The following PTPRT variants were observed in gnomAD, a reference collection of about 807,000 sequenced individuals.
The protein encoded by PTPRT is protein tyrosine phosphatase receptor type T.
In PTPRT, 56 loss-of-function variants were observed where a neutral mutation model predicts 176.8. The ratio of observed to expected loss-of-function variants is 0.32; its 90% CI spans 0.26 to 0.40. The LOEUF is 0.40. PTPRT is among the 10% of genes least tolerant of loss of function. The pLI, the probability that PTPRT is intolerant of heterozygous loss-of-function variation, is 1.00. For synonymous variants in PTPRT, 783 were observed against 739.0 expected (o/e 1.06, Z -0.96); for missense variants, 1,540 against 1,908.2 (o/e 0.81, Z 3.60).
intron 2 of PTPRT, among the ~76,000 whole-genome samples, chr20:42,866,305 A>G (rs2078745563): frequency 6.6e-6 from 1 of 152,206 alleles, no homozygotes; most frequent in Non-Finnish European, 1.5e-5. Context: ...TGTGTAATAT[A>G]CAGATGAGGA....
At chr20:42,691,726 C>T (rs564989105) in intron 6 of PTPRT, among the ~76,000 whole-genome samples, 9 of 152,190 alleles carry the variant, frequency 5.9e-5, no homozygotes, top group East Asian at 3.9e-4. Context: ...GAAAGGACTT[C>T]GAAACAACAC....
intron 13 of PTPRT, among the ~76,000 whole-genome samples, chr20:42,272,263 T>C (rs2056949203): frequency 6.6e-6 from 1 of 152,220 alleles, no homozygotes; most frequent in Admixed American, 6.5e-5. Flanking sequence ...CATATTCTTA[T>C]ATGTATGGTT....
At chr20:42,040,206 T>C in the PTPRT span, among the ~76,000 whole-genome samples, 9,086 of 152,240 alleles carry the variant, frequency 0.06, 408 homozygotes, top group Non-Finnish European at 0.093. Flanking sequence ...GCTTCATTCT[T>C]AAAGGGGATG....
intron 13 of PTPRT, among the ~76,000 whole-genome samples, chr20:42,273,317 G>C (rs1485251719): frequency 6.6e-6 from 1 of 152,148 alleles, no homozygotes; most frequent in Non-Finnish European, 1.5e-5. Context: ...CTGGGTTCAA[G>C]CGATTCTCCT....
At chr20:42,906,855 G>C (rs2079485224) in intron 1 of PTPRT, among the ~76,000 whole-genome samples, 1 of 151,584 alleles carries the variant, frequency 6.6e-6, no homozygotes, top group Non-Finnish European at 1.5e-5. Flanking sequence ...TTACACTCTT[G>C]TTCTAATCTG....
chr20:42,169,187 C>T (rs113771674), intron 16 of PTPRT, among the ~76,000 whole-genome samples: 7 of 152,302 alleles, frequency 4.6e-5, no homozygotes, highest in South Asian at 2.1e-4. Context: ...CCTCCTAAAC[C>T]TCCATCACTG....
intron 6 of PTPRT, among the ~76,000 whole-genome samples, chr20:42,712,566 C>A (rs932634026): frequency 1.3e-5 from 2 of 152,120 alleles, no homozygotes; most frequent in Admixed American, 6.5e-5. Flanking sequence ...ATCAGCGTGA[C>A]CTTGGTTCTA....
chr20:42,074,259 A>T lies in PTPRT; in HGVS notation c.*6620T>A, dbSNP rs1982563634. 1 of 228,566 alleles carries T rather than the reference A, an allele frequency of 4.4e-6. No individual in the cohort carries two copies. The highest frequency in any genetic ancestry group is 5.7e-5 in the Admixed American group (1 of 17,652). 14.2% of individuals were successfully genotyped at this position (228,566 alleles called of 1,614,324 possible). On this transcript the variant is annotated 3_prime_UTR_variant, in exon 31 of 31. Transcript: ENST00000373187. ...GACACTGAGAGTTTGTTGGACCATCATAGAGAAGGCCCACTGATTTGTATT... is the reference window on the plus strand; with the variant it reads ...GACACTGAGAGTTTGTTGGACCATCTTAGAGAAGGCCCACTGATTTGTATT...
At chr20:42,236,972 A>T (rs1156246059) in intron 14 of PTPRT, among the ~76,000 whole-genome samples, 3 of 151,620 alleles carry the variant, frequency 2.0e-5, no homozygotes, top group Non-Finnish European at 2.9e-5. Context: ...TCTGTCCATA[A>T]CTCTCTCTTA....
At chr20:42,539,672 AC>A (rs1319641794) in intron 7 of PTPRT, among the ~76,000 whole-genome samples, 13 of 151,812 alleles carry the variant, frequency 8.6e-5, no homozygotes, top group African/African-American at 2.7e-4. Flanking sequence ...AAAAAAAAAA[AC>A]AAACTATTAC....
At chr20:42,161,284 G>A in intron 17 of PTPRT, 68 bp downstream of exon 17, 1 of 1,576,934 alleles carries the variant, frequency 6.3e-7, no homozygotes, top group Middle Eastern at 1.7e-4. Context: ...ACTTTTTGTA[G>A]CAAGGCTTTA....
intron 9 of PTPRT, among the ~76,000 whole-genome samples, chr20:42,418,845 A>G (rs1474694329): frequency 2.6e-5 from 4 of 152,258 alleles, no homozygotes; most frequent in South Asian, 2.1e-4. Flanking sequence ...CCGGCGGAGG[A>G]GGAAGCTATT....
chr20:42,847,618 T>A (rs958140620), intron 2 of PTPRT, among the ~76,000 whole-genome samples: 1 of 152,168 alleles, frequency 6.6e-6, no homozygotes, highest in Non-Finnish European at 1.5e-5. Flanking sequence ...GGACACTAAA[T>A]GGGGCTTTAG....
At chr20:42,737,447 A>C (rs138424246) in intron 6 of PTPRT, among the ~76,000 whole-genome samples, 1 of 152,164 alleles carries the variant, frequency 6.6e-6, no homozygotes, top group African/African-American at 2.4e-5. Flanking sequence ...CCTGGTCAAC[A>C]TGGCTAAACC....
At chr20:42,679,929 G>A (rs1275997139) in intron 6 of PTPRT, among the ~76,000 whole-genome samples, 1 of 152,146 alleles carries the variant, frequency 6.6e-6, no homozygotes, top group Non-Finnish European at 1.5e-5. Context: ...CGAGGAATGG[G>A]ATTATATGTC....
At chr20:43,147,182 C>T (rs952477304) in intron 1 of PTPRT, among the ~76,000 whole-genome samples, 1 of 152,270 alleles carries the variant, frequency 6.6e-6, no homozygotes, top group East Asian at 1.9e-4. Context: ...TTGGTGCCCC[C>T]TTCCCCCAAG....
At chr20:42,193,299 T>C (rs545301138) in intron 16 of PTPRT, among the ~76,000 whole-genome samples, 1 of 152,238 alleles carries the variant, frequency 6.6e-6, no homozygotes, top group Non-Finnish European at 1.5e-5. Flanking sequence ...TCTGCTAGGC[T>C]CCATGCCAGT....
At chr20:42,646,882 CTTTTTTTTTTTTTTT>C (rs1161994908) in intron 7 of PTPRT, among the ~76,000 whole-genome samples, 3 of 76,224 alleles carry the variant, frequency 3.9e-5, no homozygotes, top group Admixed American at 1.6e-4. Context: ...CTAAGACAGC[CTTTTTTTTTTTTTTT>C]TTTTTTTTTT....
chr20:42,837,135 G>T (rs916479570), intron 2 of PTPRT, among the ~76,000 whole-genome samples: 3 of 152,182 alleles, frequency 2.0e-5, no homozygotes, highest in Non-Finnish European at 4.4e-5. Context: ...GGACGTGGGC[G>T]TCCCACAGTC....
Sources: gnomAD v4.1 joint callset for allele counts (sites outside exome capture counted in the v4.1 genomes callset) on GRCh38, gnomAD v4.1.1 for gene constraint, MANE v1.5 for transcripts, NCBI Gene and HGNC (gene_info 2026-07-23, HGNC 2026-07-21) for gene names.